Variants in SLC30A7 observed in about 807,000 individuals in gnomAD.
SLC30A7 encodes solute carrier family 30 member 7, also known as zinc transporter 7.
In SLC30A7, 35 loss-of-function variants were observed where a neutral mutation model predicts 46.0. The ratio of observed to expected loss-of-function variants is 0.76; its 90% confidence interval spans 0.58 to 1.01. The LOEUF (loss-of-function observed/expected upper bound fraction) is 1.01. Among genes scored for constraint, SLC30A7 ranks in the 50% least tolerant of loss-of-function variants. The probability of loss-of-function intolerance (pLI) is 0.00; values close to 1 mark genes in which losing one functional copy is unlikely to be tolerated. For missense variants in SLC30A7, 464 were observed against 451.1 expected (o/e 1.03, Z -0.26); for synonymous variants, 147 against 157.8 (o/e 0.93, Z 0.51).
At chr1:100,991,850 A>C in the SLC30A7 span, among the ~76,000 whole-genome samples, 51 of 150,908 alleles carry the variant, frequency 3.4e-4, no homozygotes, top group Admixed American at 2.1e-3. Flanking sequence ...TAATCCCAAC[A>C]CTTTGGGAGG....
the SLC30A7 span, among the ~76,000 whole-genome samples, chr1:100,993,551 A>AAAATAT: frequency 5.3e-4 from 31 of 58,148 alleles, no homozygotes; most frequent in African/African-American, 1.2e-3. Flanking sequence ...GACTCTGTCG[A>AAAATAT]AAATATAAAT....
At chr1:100,953,070 T>A (rs1487451377) in intron 8 of SLC30A7, among the ~76,000 whole-genome samples, 2 of 152,078 alleles carry the variant, frequency 1.3e-5, no homozygotes, top group East Asian at 3.9e-4. Context: ...TCTGATGATT[T>A]AAAAGTGTGT....
intron 8 of SLC30A7, among the ~76,000 whole-genome samples, chr1:100,959,170 A>G (rs528851613): frequency 4.6e-5 from 7 of 152,182 alleles, no homozygotes; most frequent in Admixed American, 2.0e-4. Context: ...CCAAAAATAT[A>G]CTGTGTTAAA....
chr1:100,955,154 T>A (rs909754713), intron 8 of SLC30A7, among the ~76,000 whole-genome samples: 54 of 152,188 alleles, frequency 3.5e-4, no homozygotes, highest in African/African-American at 1.2e-3. Flanking sequence ...TCTTCAGAAG[T>A]TTTCGTAATG....
At position 100,965,780 on chromosome 1, in the gene SLC30A7, G is replaced by A; in HGVS notation, c.945G>A (p.Leu315=). 1 of 1,613,578 alleles carries A rather than the reference G, an allele frequency of 6.2e-7. No individual in the cohort carries two copies. The highest frequency in any genetic ancestry group is 8.5e-7 in the Non-Finnish European group (1 of 1,179,598). Residue 315 remains leucine (L), a synonymous_variant, in exon 10 of 11, where the codon TTG becomes TTA. Transcript: ENST00000357650. ...CCTTTATATTTCAGGTACAGCAGTT[G>A]CAAGGAGTTTACAGTTTACAGGAAC... ...LPQCYQRVQQ[L]QGVYSLQEQH...
At chr1:100,952,513 C>T (rs1410231685) in intron 8 of SLC30A7, among the ~76,000 whole-genome samples, 1 of 152,158 alleles carries the variant, frequency 6.6e-6, no homozygotes, top group Non-Finnish European at 1.5e-5. Context: ...TAAAGGTAGT[C>T]TTCTCTTACT....
the SLC30A7 span, chr1:100,989,865 A>G: frequency 6.5e-6 from 1 of 153,444 alleles, no homozygotes; most frequent in African/African-American, 2.4e-5. Flanking sequence ...AATTTGCCAA[A>G]ATAGCAGCAA....
intron 2 of SLC30A7, among the ~76,000 whole-genome samples, chr1:100,906,010 A>G (rs752516057): frequency 2.0e-5 from 3 of 152,002 alleles, no homozygotes; most frequent in Non-Finnish European, 2.9e-5. Context: ...AAATGGGCAC[A>G]CCTATTTTTC....
intron 7 of SLC30A7, among the ~76,000 whole-genome samples, chr1:100,921,169 T>C (rs1256028133): frequency 6.6e-6 from 1 of 152,114 alleles, no homozygotes; most frequent in East Asian, 1.9e-4. Flanking sequence ...CCTCTGAGTG[T>C]AGTATGTAAC....
At chr1:100,948,994 G>A (rs1471566435) in intron 8 of SLC30A7, among the ~76,000 whole-genome samples, 1 of 152,108 alleles carries the variant, frequency 6.6e-6, no homozygotes, top group Non-Finnish European at 1.5e-5. Context: ...CTTTAGCTTG[G>A]AGAAGTTTGT....
intron 10 of SLC30A7, among the ~76,000 whole-genome samples, chr1:100,970,222 T>C (rs1656082219): frequency 6.6e-6 from 1 of 152,138 alleles, no homozygotes; most frequent in African/African-American, 2.4e-5. Context: ...GTATCTTTCT[T>C]ATAGCCAGTC....
intron 3 of SLC30A7, among the ~76,000 whole-genome samples, chr1:100,910,779 A>C (rs1652030635): frequency 6.6e-6 from 1 of 152,138 alleles, no homozygotes; most frequent in Non-Finnish European, 1.5e-5. Context: ...TTGAGATTTA[A>C]ATTTCTGTGA....
intron 10 of SLC30A7, among the ~76,000 whole-genome samples, chr1:100,966,547 C>G (rs1265177856): frequency 5.4e-5 from 8 of 148,456 alleles, no homozygotes. Context: ...ATCACGGCCA[C>G]TGCACTCCAG....
chr1:100,918,739 A>G (rs1319219037), intron 7 of SLC30A7, among the ~76,000 whole-genome samples: 1 of 152,176 alleles, frequency 6.6e-6, no homozygotes, highest in Non-Finnish European at 1.5e-5. Context: ...TAAAGTGTTG[A>G]ATATCTCATG....
At chr1:100,974,074 A>G (rs950631368) in intron 10 of SLC30A7, among the ~76,000 whole-genome samples, 2 of 152,286 alleles carry the variant, frequency 1.3e-5, no homozygotes, top group African/African-American at 4.8e-5. Context: ...TGTAGGGTTA[A>G]GTAAAGATTT....
chr1:100,897,697 A>G (rs923392113), intron 2 of SLC30A7, among the ~76,000 whole-genome samples: 8 of 152,196 alleles, frequency 5.3e-5, no homozygotes, highest in South Asian at 2.1e-4. Flanking sequence ...CTTTTATATA[A>G]TGCTTGGGCT....
chr1:100,929,116 G>A (rs761569808), intron 8 of SLC30A7, among the ~76,000 whole-genome samples: 112 of 151,986 alleles, frequency 7.4e-4, no homozygotes, highest in Non-Finnish European at 1.1e-3. Context: ...GTGTGTGTGC[G>A]TGCCTGTACA....
intron 8 of SLC30A7, among the ~76,000 whole-genome samples, chr1:100,954,681 G>A (rs1655133713): frequency 6.6e-6 from 1 of 152,018 alleles, no homozygotes; most frequent in Non-Finnish European, 1.5e-5. Context: ...AGAGGTTTCA[G>A]AAACACAGTA....
chr1:100,909,526 A>G (rs1046622067), intron 3 of SLC30A7, among the ~76,000 whole-genome samples: 2 of 152,170 alleles, frequency 1.3e-5, no homozygotes, highest in Non-Finnish European at 2.9e-5. Flanking sequence ...TAATTAGGCA[A>G]CAGCACATTC....
Sources: gnomAD v4.1 joint callset for allele counts (sites outside exome capture counted in the v4.1 genomes callset) on GRCh38, gnomAD v4.1.1 for gene constraint, MANE v1.5 for transcripts, NCBI Gene and HGNC (gene_info 2026-07-23, HGNC 2026-07-21) for gene names.